Variants in PRAMEF27 observed in about 807,000 individuals in gnomAD.
PRAMEF27 encodes PRAME family member 27.
A neutral mutation model predicts 21.0 loss-of-function variants in PRAMEF27; 5 were observed. The observed-to-expected ratio is 0.24, with a 90% CI of 0.12 to 0.50. The LOEUF is 0.50. Among genes scored for constraint, PRAMEF27 ranks in the 20% least tolerant of loss-of-function variants. PRAMEF27 has a pLI of 0.98. For missense variants in PRAMEF27, 138 were observed against 541.4 expected, an observed-to-expected ratio of 0.25 and a Z score of 7.39; for synonymous variants, 61 against 211.2, an observed-to-expected ratio of 0.29 and a Z score of 6.17.
intron 1 of PRAMEF27, chr1:13,053,888 C>G: frequency 3.1e-6 from 2 of 645,984 alleles, no homozygotes; most frequent in Non-Finnish European, 4.6e-6. Context: ...AGCAGGGTCA[C>G]CACGAGCCCT....
intron 1 of PRAMEF27, chr1:13,055,455 CA>C (rs1350499051): frequency 2.8e-4 from 21 of 74,766 alleles, no homozygotes; most frequent in African/African-American, 1.9e-3. Context: ...AGTGCAGTGG[CA>C]CCATCTTGGC....
At position 13,052,348 on chromosome 1, in the gene PRAMEF27, A is replaced by G; in HGVS notation, c.645T>C (p.Asn215=). The G allele has an allele frequency of 2.1e-6, 3 of 1,433,068 alleles. 1 individual carries two copies. Among genetic ancestry groups the G allele is most frequent in the East Asian group, 2.5e-5 (1 of 40,186 alleles). 88.8% of individuals were successfully genotyped at this position (1,433,068 alleles called of 1,614,324 possible). Reference sequence around the variant, plus strand: ...TCAGGATGGGCAGTACCCACTTGCAATTCACTTCCACCTCCTGGATACAGT... The same window carrying G: ...TCAGGATGGGCAGTACCCACTTGCAGTTCACTTCCACCTCCTGGATACAGT... ...NLDCIQEVEV[N]CKWVLPILTQ... Residue 215 remains asparagine, a synonymous_variant, in exon 3 of 4, where the codon AAT becomes AAC. Coordinates refer to ENST00000436041, the MANE Select transcript of PRAMEF27 (RefSeq NM_001300891.2).
Position 13,056,484 on chromosome 1 carries a change from C to T in PRAMEF27, c.-87G>A, listed in dbSNP as rs1321257740. The T allele has an allele frequency of 2.4e-5, 3 of 127,148 alleles. No homozygotes were observed. The highest frequency in any genetic ancestry group is 4.6e-5 in the Non-Finnish European group (3 of 65,164). 7.9% of individuals were successfully genotyped at this position (127,148 alleles called of 1,614,324 possible). On this transcript the variant is annotated 5_prime_UTR_variant, in exon 1 of 4. Coordinates refer to ENST00000436041, the MANE Select transcript of PRAMEF27 (RefSeq NM_001300891.2). ...CAGGCAGGAACTCCAGGCTTGAAGA[C>T]TTTGGGTCTCTCCTGTGGGTCTTTA...
rs1642224726 is a variant in PRAMEF27 at position 13,053,429 on chromosome 1, C to T, written c.231G>A (p.Leu77=). The T allele has an allele frequency of 4.6e-6, 7 of 1,517,120 alleles. No individual in the cohort carries two copies. In the East Asian group the frequency reaches 1.5e-4, roughly 32 times the overall value. The allele number at this position is 1,517,120 out of a possible 1,614,324, so 94.0% of individuals were successfully genotyped here. The change falls in exon 2 of 4, where the codon CTG becomes CTA. Residue 77 remains leucine, a synonymous_variant. Transcript: ENST00000436041. ...CATCGAGCACAGCTTGGAAGGCCTC[C>T]AGACAAGGCATCTTTATCAGAGGCC... is the stretch of plus-strand genomic sequence containing the variant. ...PLRPLIKMPC[L]EAFQAVLDGL... is the part of the protein sequence containing the mutation.
rs1642227083 is a variant in PRAMEF27 at position 13,053,594 on chromosome 1, G to A, written c.66C>T (p.Asp22=). ...LELAGRSLLR[D]QALAMSTLEE... ...CCAGGGTGGACATGGCCAAGGCTTG[G>A]TCCCTCAGCAGGCTCCGCCCCGCAA... The change falls in exon 2 of 4, where the codon GAC becomes GAT. Residue 22 remains aspartate, a synonymous_variant. Transcript: ENST00000436041. The A allele has an allele frequency of 9.4e-6, 15 of 1,594,010 alleles. No homozygotes were observed. The highest frequency in any genetic ancestry group is 1.2e-5 in the Non-Finnish European group (14 of 1,178,606).
Position 13,053,537 on chromosome 1 carries a change from C to G in PRAMEF27, c.123G>C (p.Leu41=). The change falls in exon 2 of 4, where the codon CTG becomes CTC. Residue 41 remains leucine (L), a synonymous_variant. Coordinates refer to ENST00000436041, the MANE Select transcript of PRAMEF27 (RefSeq NM_001300891.2). The part of the protein sequence containing the change: ...EELPTELFPP[L]FMEAFSRRCC... Reference sequence around the variant, plus strand: ...ATCTCCTGCTGAAGGCCTCCATGAACAGTGGGGGGAAAAGTTCTGTGGGCA... The same window carrying G: ...ATCTCCTGCTGAAGGCCTCCATGAAGAGTGGGGGGAAAAGTTCTGTGGGCA... The G allele has an allele frequency of 1.3e-6, 2 of 1,519,420 alleles. No individual in the cohort carries two copies. The highest frequency in any genetic ancestry group is 1.8e-6 in the Non-Finnish European group (2 of 1,136,738). 94.1% of individuals were successfully genotyped at this position (1,519,420 alleles called of 1,614,324 possible). A position where few individuals can be genotyped will look rare whatever the true frequency, so the allele number is the denominator to read the frequency against.
rs1642225453 is a variant in PRAMEF27, at chr1:13,053,501, G to A, written c.159C>T (p.Ala53=). Residue 53 remains alanine, a synonymous_variant, in exon 2 of 4, where the codon GCC becomes GCT. Coordinates refer to ENST00000436041, the MANE Select transcript of PRAMEF27 (RefSeq NM_001300891.2). The part of the protein sequence containing the change: ...MEAFSRRCCE[A]LKLMVQAWPF... ...GCCAGGCCTGCACCATCAGCTTCAGGGCCTCACAGCATCTCCTGCTGAAGG... is the reference window on the plus strand; with the variant it reads ...GCCAGGCCTGCACCATCAGCTTCAGAGCCTCACAGCATCTCCTGCTGAAGG... 6.8e-7 allele frequency: 1 copy of A among 1,474,480 alleles called. No homozygotes were observed. Among genetic ancestry groups the A allele is most frequent in the South Asian group, 1.3e-5 (1 of 78,632 alleles). 91.3% of individuals were successfully genotyped at this position (1,474,480 alleles called of 1,614,324 possible).
intron 1 of PRAMEF27, 153 bp downstream of exon 1, chr1:13,056,261 T>C: frequency 8.5e-6 from 1 of 118,248 alleles, no homozygotes. Flanking sequence ...GAACTGCATT[T>C]AGAGGAAAAA....
In PRAMEF27 at chr1:13,049,991, C is replaced by A; in HGVS notation, c.1254G>T (p.Pro418=). Residue 418 remains proline (P), a synonymous_variant, in exon 4 of 4, where the codon CCG becomes CCT. Transcript: ENST00000436041. ...TACCATCAGCACCATAACTCTCCCG[C>A]GGGGCAGGATACACCTCCACGCATA... ...KNLCVEVYPA[P]RESYGADGTL... is the part of the protein sequence containing the mutation. The A allele has an allele frequency of 7.0e-7, 1 of 1,433,832 alleles. No individual in the cohort carries two copies. Among genetic ancestry groups the A allele is most frequent in the Non-Finnish European group, 9.2e-7 (1 of 1,087,014 alleles). The allele number at this position is 1,433,832 out of a possible 1,614,324, so 88.8% of individuals were successfully genotyped here. A position where few individuals can be genotyped will look rare whatever the true frequency, so the allele number is the denominator to read the frequency against.
rs1642229786 is a variant in PRAMEF27 at position 13,053,786 on chromosome 1, A to T, written c.-16-111T>A. 2.2e-6 allele frequency: 3 copies of T among 1,351,598 alleles called. 1 individual carries two copies. Among genetic ancestry groups the T allele is most frequent in the Non-Finnish European group, 2.9e-6 (3 of 1,028,506 alleles). The allele number at this position is 1,351,598 out of a possible 1,614,324, so 83.7% of individuals were successfully genotyped here. A position where few individuals can be genotyped will look rare whatever the true frequency, so the allele number is the denominator to read the frequency against. On this transcript the variant is annotated intron_variant, in intron 1 of 3. Coordinates refer to ENST00000436041, the MANE Select transcript of PRAMEF27 (RefSeq NM_001300891.2). ...CTCTGGCAATGGTGAAACAGCCCTC[A>T]GTTTACTCCAATTCTGCCCTGTACT...
rs1172125965 is a variant in PRAMEF27, at chr1:13,050,005, C to G, written c.1240G>C (p.Val414Leu). ...TAACTCTCCCGCGGGGCAGGATACA[C>G]CTCCACGCATAAGTTTTTGAGTATG... is the stretch of plus-strand genomic sequence containing the variant. ...TIILKNLCVE[V>L]YPAPRESYGA... is the part of the protein sequence containing the mutation. Residue 414 changes from valine (V) to leucine (L), a missense_variant, in exon 4 of 4, where the codon GTG becomes CTG. By Grantham distance (32) the Val-to-Leu change is conservative (BLOSUM62 1). Transcript: ENST00000436041. The G allele has an allele frequency of 1.5e-3, 2,085 of 1,427,382 alleles. 256 individuals carry two copies. Among genetic ancestry groups the G allele is most frequent in the Non-Finnish European group, 1.5e-3 (1,654 of 1,077,544 alleles). The allele number at this position is 1,427,382 out of a possible 1,614,324, so 88.4% of individuals were successfully genotyped here. A position where few individuals can be genotyped will look rare whatever the true frequency, so the allele number is the denominator to read the frequency against.
rs1169701341 is a variant in PRAMEF27 at position 13,053,562 on chromosome 1, A to C, written c.98T>G (p.Leu33Arg). 8.0e-5 allele frequency: 127 copies of C among 1,579,800 alleles called. 1 individual carries two copies. Among genetic ancestry groups the C allele is most frequent in the Non-Finnish European group, 2.5e-5 (29 of 1,175,202 alleles). The change falls in exon 2 of 4, where the codon CTG becomes CGG. Residue 33 changes from leucine to arginine, a missense_variant. Coordinates refer to ENST00000436041, the MANE Select transcript of PRAMEF27 (RefSeq NM_001300891.2). ...CAGTGGGGGGAAAAGTTCTGTGGGC[A>C]GCTCCTCCAGGGTGGACATGGCCAA... ...QALAMSTLEE[L>R]PTELFPPLFM...
chr1:13,055,689 G>A (rs1642239682), intron 1 of PRAMEF27: 2 of 149,782 alleles, frequency 1.3e-5, no homozygotes, highest in East Asian at 2.0e-4. Flanking sequence ...GTACAGCAGT[G>A]GTGTGAGCAT....
chr1:13,055,700 A>T (rs1222326431), intron 1 of PRAMEF27: 1 of 143,656 alleles, frequency 7.0e-6, no homozygotes, highest in African/African-American at 2.7e-5. Context: ...GTGTGAGCAT[A>T]GCTCACTGCA....
chr1:13,053,615 CG>C lies in PRAMEF27; in HGVS notation c.44del (p.Ala15GlyfsTer6). On this transcript the variant is annotated frameshift_variant, in exon 2 of 4. Coordinates refer to ENST00000436041, the MANE Select transcript of PRAMEF27 (RefSeq NM_001300891.2). LOFTEE classifies it high-confidence loss of function. ...CTTGGTCCCTCAGCAGGCTCCGCCC[CG>C]CAAGCTCCAGGAGTCTGGGTGGAGT... ...IRTPPRLLEL[A>X]GRSLLRDQAL... 6.3e-7 allele frequency: 1 copy of C among 1,594,850 alleles called. No individual in the cohort carries two copies. The highest frequency in any genetic ancestry group is 1.1e-5 in the South Asian group (1 of 90,384).
chr1:13,050,197 CT>C lies in PRAMEF27; in HGVS notation c.1047del (p.Val350LeufsTer10). On this transcript the variant is annotated frameshift_variant, in exon 4 of 4. Coordinates refer to ENST00000436041, the MANE Select transcript of PRAMEF27 (RefSeq NM_001300891.2). LOFTEE classifies it low-confidence loss of function (END_TRUNC). ...TCCAAGTACTCAAGGGTGGCTGCAACTTTTTCTAGGAGAATTTGGAGAGGCA... is the reference window on the plus strand; with the variant it reads ...TCCAAGTACTCAAGGGTGGCTGCAACTTTTCTAGGAGAATTTGGAGAGGCA... ...SLVPLQILLE[K>X]VAATLEYLDL... is the part of the protein sequence containing the mutation. The C allele has an allele frequency of 1.6e-6, 2 of 1,240,210 alleles. 1 individual carries two copies. The allele number at this position is 1,240,210 out of a possible 1,614,324, so 76.8% of individuals were successfully genotyped here. A position where few individuals can be genotyped will look rare whatever the true frequency, so the allele number is the denominator to read the frequency against.
chr1:13,056,373 T>C (rs1278541497), intron 1 of PRAMEF27, 41 bp downstream of exon 1: 1 of 126,200 alleles, frequency 7.9e-6, no homozygotes, highest in Admixed American at 7.2e-5. Flanking sequence ...TGACTGACTC[T>C]AGGTCAGATG....
intron 3 of PRAMEF27, chr1:13,051,828 T>C (rs1385863596): frequency 3.9e-6 from 2 of 509,782 alleles, no homozygotes; most frequent in Non-Finnish European, 6.7e-6. Context: ...ACACACGTCC[T>C]CAGGAAGAAT....
intron 1 of PRAMEF27, 111 bp from the exon 2 acceptor site, chr1:13,053,786 A>G: frequency 7.4e-7 from 1 of 1,351,634 alleles, no homozygotes; most frequent in Non-Finnish European, 9.7e-7. Context: ...AACAGCCCTC[A>G]GTTTACTCCA....
Sources: gnomAD v4.1 joint callset for allele counts on GRCh38, gnomAD v4.1.1 for gene constraint, MANE v1.5 for transcripts, NCBI Gene and HGNC (gene_info 2026-07-23, HGNC 2026-07-21) for gene names.